The following CLDN14 variants were observed in gnomAD, a reference collection of about 807,000 sequenced individuals.
CLDN14 encodes claudin 14.
CLDN14 carries 2 observed loss-of-function variants against 2.1 expected under a neutral mutation model. The observed-to-expected ratio is 0.96, with a 90% CI of 0.39 to 3.01. The LOEUF (loss-of-function observed/expected upper bound fraction) is 3.01. Ranked by LOEUF, CLDN14 falls within the 30% of genes most tolerant of loss-of-function variation. The probability of loss-of-function intolerance (pLI) is 0.09; values close to 1 mark genes in which losing one functional copy is unlikely to be tolerated. For synonymous variants in CLDN14, 136 were observed against 154.4 expected, an observed-to-expected ratio of 0.88 and a Z score of 0.88; for missense variants, 298 against 328.0, an observed-to-expected ratio of 0.91 and a Z score of 0.71.
intron 1 of CLDN14, among the ~76,000 whole-genome samples, chr21:36,564,168 A>G (rs1358773866): frequency 6.6e-6 from 1 of 152,190 alleles, no homozygotes; most frequent in East Asian, 1.9e-4. Context: ...TGTCAGCAAA[A>G]TTAGCCTTTT....
chr21:36,543,719 T>G (rs1285909686), intron 1 of CLDN14, among the ~76,000 whole-genome samples: 3 of 151,470 alleles, frequency 2.0e-5, no homozygotes, highest in Non-Finnish European at 4.4e-5. Flanking sequence ...AGCTGCGACT[T>G]GAACCCAGGC....
chr21:36,496,321 G>C (rs2409819), intron 2 of CLDN14, among the ~76,000 whole-genome samples: 46,991 of 151,086 alleles, frequency 0.31, 8,756 homozygotes, highest in African/African-American at 0.52. Context: ...CCTGTGGTCC[G>C]AGGTACTTGG....
At chr21:36,491,224 A>G (rs1372579756) in intron 2 of CLDN14, among the ~76,000 whole-genome samples, 5 of 152,154 alleles carry the variant, frequency 3.3e-5, no homozygotes, top group Admixed American at 6.5e-5. Flanking sequence ...GGATCCCCAG[A>G]TATCCTGAAG....
chr21:36,467,727 C>T (rs1007771531), intron 1 of CLDN14, among the ~76,000 whole-genome samples: 1 of 152,170 alleles, frequency 6.6e-6, no homozygotes, highest in African/African-American at 2.4e-5. Context: ...CTCCTTAACC[C>T]TCAGCAGTCT....
intron 1 of CLDN14, among the ~76,000 whole-genome samples, chr21:36,518,277 C>T (rs1047123301): frequency 6.6e-6 from 1 of 152,112 alleles, no homozygotes; most frequent in Non-Finnish European, 1.5e-5. Flanking sequence ...GTTGACATTG[C>T]AAATTTCATC....
chr21:36,501,858 T>C (rs1275097590), intron 2 of CLDN14, among the ~76,000 whole-genome samples: 1 of 152,142 alleles, frequency 6.6e-6, no homozygotes, highest in Non-Finnish European at 1.5e-5. Context: ...GTGAATGTAT[T>C]TTAGGATCTT....
At chr21:36,474,370 A>G (rs531070891) in intron 1 of CLDN14, among the ~76,000 whole-genome samples, 4 of 152,326 alleles carry the variant, frequency 2.6e-5, no homozygotes, top group East Asian at 3.9e-4. Context: ...TCACTCTAAC[A>G]ATTTCAAATG....
intron 1 of CLDN14, among the ~76,000 whole-genome samples, chr21:36,522,207 C>T (rs889598491): frequency 2.0e-5 from 3 of 152,150 alleles, no homozygotes; most frequent in Admixed American, 6.5e-5. Flanking sequence ...ACACCCCACA[C>T]GCAGCACTCC....
intron 1 of CLDN14, among the ~76,000 whole-genome samples, chr21:36,527,419 C>T (rs915573860): frequency 6.6e-6 from 1 of 152,248 alleles, no homozygotes; most frequent in African/African-American, 2.4e-5. Context: ...TATTGCCTTC[C>T]TTCCATGCAT....
At chr21:36,506,521 G>C (rs1388807301) in intron 2 of CLDN14, among the ~76,000 whole-genome samples, 3 of 151,474 alleles carry the variant, frequency 2.0e-5, no homozygotes, top group South Asian at 4.2e-4. Flanking sequence ...CGTTTGAACC[G>C]GGGGGGCGGA....
intron 1 of CLDN14, among the ~76,000 whole-genome samples, chr21:36,471,720 A>G (rs771769568): frequency 2.0e-5 from 3 of 152,252 alleles, no homozygotes; most frequent in Non-Finnish European, 4.4e-5. Context: ...CAAACAAGCA[A>G]TAGGACATTG....
chr21:36,540,313 T>G lies in CLDN14; in HGVS notation c.-219-29813A>C, dbSNP rs532270182. On this transcript the variant is annotated intron_variant, in intron 1 of 2. Coordinates refer to the CLDN14 transcript ENST00000342108. ...AGATGACGTATAATACCCAACACAA[T>G]GTAAAGCTATGTAAATAGTTGTTAT... 2.0e-5 allele frequency among the ~76,000 whole-genome samples: 3 copies of G among 152,308 alleles called. No homozygotes were observed. In the South Asian group the frequency reaches 6.2e-4, roughly 32 times the overall value.
Position 36,498,606 on chromosome 21 carries a change from G to A in CLDN14, c.-82+11757C>T, listed in dbSNP as rs935720379. On this transcript the variant is annotated intron_variant, in intron 2 of 2. Coordinates refer to the CLDN14 transcript ENST00000342108. The surrounding 1 kb of genome is among the most constrained non-coding windows in gnomAD (Gnocchi z 4.9). ...AAACTGAGCACTGTTGCAGGCGATG[G>A]GGACGTGGAACTGGTAGGACCGATG... Among the ~76,000 whole-genome samples, 1 of 152,156 alleles carries A rather than the reference G, an allele frequency of 6.6e-6. No homozygotes were observed. The highest frequency in any genetic ancestry group is 1.5e-5 in the Non-Finnish European group (1 of 68,028).
At chr21:36,569,411 G>C (rs1362341287) in intron 1 of CLDN14, among the ~76,000 whole-genome samples, 1 of 137,988 alleles carries the variant, frequency 7.2e-6, no homozygotes, top group Admixed American at 7.1e-5. Flanking sequence ...GTGAGACTCC[G>C]TCTCAAAAAA....
At chr21:36,474,266 C>T (rs2086746749) in intron 1 of CLDN14, among the ~76,000 whole-genome samples, 1 of 152,204 alleles carries the variant, frequency 6.6e-6, no homozygotes, top group South Asian at 2.1e-4. Context: ...CCACCTACAG[C>T]AATATGACCA....
At chr21:36,570,424 T>C (rs1178130219) in intron 1 of CLDN14, among the ~76,000 whole-genome samples, 1 of 152,172 alleles carries the variant, frequency 6.6e-6, no homozygotes, top group African/African-American at 2.4e-5. Flanking sequence ...TGAACTAGTT[T>C]TTTAGGTTGA....
intron 2 of CLDN14, among the ~76,000 whole-genome samples, chr21:36,509,924 A>G (rs1273494201): frequency 6.6e-6 from 1 of 152,220 alleles, no homozygotes; most frequent in Admixed American, 6.5e-5. Flanking sequence ...CTGACAGCTT[A>G]GAAACCAAAA....
At chr21:36,513,546 C>CTA (rs2087201486) in intron 1 of CLDN14, among the ~76,000 whole-genome samples, 1 of 152,230 alleles carries the variant, frequency 6.6e-6, no homozygotes. Context: ...TACCTTCCAA[C>CTA]TCACATGCCA....
intron 1 of CLDN14, among the ~76,000 whole-genome samples, chr21:36,569,978 T>C (rs9305596): frequency 0.15 from 22,507 of 152,212 alleles, 1,810 homozygotes; most frequent in Non-Finnish European, 0.19. Flanking sequence ...CCTCAGGAGG[T>C]CCTGATGACA....
Sources: allele counts gnomAD v4.1 joint callset (sites outside exome capture counted in the v4.1 genomes callset), GRCh38; gene constraint gnomAD v4.1.1; non-coding constraint Gnocchi (gnomAD v3.1); transcripts MANE v1.5; gene names NCBI Gene and HGNC (gene_info 2026-07-23, HGNC 2026-07-21).